Variants in MEF2C observed in about 807,000 individuals in gnomAD.
MEF2C encodes myocyte enhancer factor 2C, also known as myocyte-specific enhancer factor 2C.
A neutral mutation model predicts 50.5 loss-of-function variants in MEF2C; 6 were observed. The ratio of observed to expected loss-of-function variants is 0.12; its 90% CI spans 0.07 to 0.23. MEF2C has a LOEUF of 0.23. Ranked by LOEUF, MEF2C falls within the 10% of genes least tolerant of loss-of-function variation. The probability of loss-of-function intolerance (pLI) is 1.00; values close to 1 mark genes in which losing one functional copy is unlikely to be tolerated. For synonymous variants in MEF2C, 183 were observed against 228.0 expected, an observed-to-expected ratio of 0.80 and a Z score of 1.78; for missense variants, 276 against 605.0, an observed-to-expected ratio of 0.46 and a Z score of 5.70.
rs1833477045 is a variant in MEF2C at position 88,883,141 on chromosome 5, G to A, written c.-329C>T. ...TTCAAAGTCAATCCAATAGCAGCCCGAAGATGTCTGGGTGTACGCGTGTGC... is the reference window on the plus strand; with the variant it reads ...TTCAAAGTCAATCCAATAGCAGCCCAAAGATGTCTGGGTGTACGCGTGTGC... On this transcript the variant is annotated 5_prime_UTR_variant, in exon 1 of 11. Transcript: ENST00000504921. 2 of 151,948 alleles carry A rather than the reference G, an allele frequency of 1.3e-5. No homozygotes were observed. The highest frequency in any genetic ancestry group is 4.8e-5 in the African/African-American group (2 of 41,294). 9.4% of individuals were successfully genotyped at this position (151,948 alleles called of 1,614,324 possible).
chr5:88,799,133 T>C (rs532635595), intron 3 of MEF2C, among the ~76,000 whole-genome samples: 120 of 152,340 alleles, frequency 7.9e-4, no homozygotes, highest in Non-Finnish European at 2.4e-4. Context: ...AGGGACCCAC[T>C]TGAGGAAGCA....
At chr5:88,753,775 T>C (rs1417846056) in intron 4 of MEF2C, among the ~76,000 whole-genome samples, 1 of 152,192 alleles carries the variant, frequency 6.6e-6, no homozygotes, top group Non-Finnish European at 1.5e-5. Context: ...TTATCTACAG[T>C]AAACAGGGGA....
intron 3 of MEF2C, among the ~76,000 whole-genome samples, chr5:88,795,973 C>T (rs181846362): frequency 6.6e-6 from 1 of 152,188 alleles, no homozygotes; most frequent in Non-Finnish European, 1.5e-5. Context: ...TCCAGCCTTG[C>T]ATCCCAGGGA....
intron 10 of MEF2C, among the ~76,000 whole-genome samples, chr5:88,723,756 T>C (rs1581228279): frequency 6.6e-6 from 1 of 152,240 alleles, no homozygotes; most frequent in African/African-American, 2.4e-5. Flanking sequence ...TTATTTATCA[T>C]TGGCATTAGT....
chr5:88,775,252 T>C (rs1303127333), intron 3 of MEF2C, among the ~76,000 whole-genome samples: 2 of 152,298 alleles, frequency 1.3e-5, no homozygotes, highest in East Asian at 1.9e-4. Context: ...TCATTTGTTA[T>C]TGGGGGTTGC....
intron 6 of MEF2C, chr5:88,733,338 G>C (rs1464697185): frequency 1.0e-6 from 1 of 985,250 alleles, no homozygotes; most frequent in East Asian, 1.1e-4. Flanking sequence ...AGAGGCTCTG[G>C]AGGGATGCAG....
At chr5:88,863,660 A>G (rs1455519039) in intron 1 of MEF2C, among the ~76,000 whole-genome samples, 3 of 151,950 alleles carry the variant, frequency 2.0e-5, no homozygotes, top group Non-Finnish European at 4.4e-5. Flanking sequence ...TCCCGCCTCC[A>G]TTTCTGGAAA....
chr5:88,900,274 GATAGTT>G (rs1835507937), intron 1 of MEF2C, among the ~76,000 whole-genome samples: 3 of 151,454 alleles, frequency 2.0e-5, no homozygotes, highest in African/African-American at 7.3e-5. Flanking sequence ...ATTAATATAA[GATAGTT>G]ATATATACAC....
At chr5:88,858,505 G>A (rs1824307366) in intron 1 of MEF2C, among the ~76,000 whole-genome samples, 2 of 152,162 alleles carry the variant, frequency 1.3e-5, no homozygotes, top group Non-Finnish European at 2.9e-5. Flanking sequence ...ATGTCAGGAG[G>A]AGGCAGCCCA....
At chr5:88,733,483 G>A (rs547936671) in intron 6 of MEF2C, 2 of 985,252 alleles carry the variant, frequency 2.0e-6, no homozygotes, top group African/African-American at 1.7e-5. Context: ...GGTATACTCA[G>A]GAATTAGTAA....
intron 1 of MEF2C, among the ~76,000 whole-genome samples, chr5:88,834,719 T>G (rs979054527): frequency 6.6e-6 from 1 of 152,118 alleles, no homozygotes; most frequent in Non-Finnish European, 1.5e-5. Context: ...CAGACATTAT[T>G]TGGAGGATGA....
At position 88,719,279 on chromosome 5, in the gene MEF2C, C is replaced by T. The variant is rs1285165633; in HGVS notation, c.*3325G>A. 1 of 152,008 alleles carries T rather than the reference C, an allele frequency of 6.6e-6. No homozygotes were observed. The highest frequency in any genetic ancestry group is 1.5e-5 in the Non-Finnish European group (1 of 67,984). 9.4% of individuals were successfully genotyped at this position (152,008 alleles called of 1,614,324 possible). On this transcript the variant is annotated 3_prime_UTR_variant, in exon 11 of 11. Coordinates refer to ENST00000504921, the MANE Select transcript of MEF2C (RefSeq NM_002397.5). Reference sequence around the variant, plus strand: ...ACAGGTATTTTTATATTCATCATTACAAAATGCTAAATTCCACCTTTGGGA... The same window carrying T: ...ACAGGTATTTTTATATTCATCATTATAAAATGCTAAATTCCACCTTTGGGA...
At chr5:88,867,701 G>T (rs1581766643) in intron 1 of MEF2C, among the ~76,000 whole-genome samples, 1 of 152,238 alleles carries the variant, frequency 6.6e-6, no homozygotes, top group South Asian at 2.1e-4. Context: ...TAGTGACGCT[G>T]AAGAAAGTAA....
At chr5:88,902,671 T>C (rs996537783) in intron 1 of MEF2C, among the ~76,000 whole-genome samples, 2 of 151,916 alleles carry the variant, frequency 1.3e-5, no homozygotes, top group African/African-American at 4.8e-5. Context: ...TATACAATCA[T>C]GTGTTAAGGA....
Position 88,840,337 on chromosome 5 carries a change from A to C in MEF2C, c.-142-16407T>G, listed in dbSNP as rs1166183923. 2.0e-5 allele frequency among the ~76,000 whole-genome samples: 3 copies of C among 152,180 alleles called. No individual in the cohort carries two copies. The South Asian group carries it at 6.2e-4, about 32-fold the overall frequency. ...CATGTCATACACTTCAATATTGTGTATTGCTTTATGTCTGTTCTTTTAATC... is the reference window on the plus strand; with the variant it reads ...CATGTCATACACTTCAATATTGTGTCTTGCTTTATGTCTGTTCTTTTAATC... On this transcript the variant is annotated intron_variant, in intron 1 of 10. Transcript: ENST00000504921.
At chr5:88,792,302 T>G (rs1233714575) in intron 3 of MEF2C, among the ~76,000 whole-genome samples, 1 of 152,130 alleles carries the variant, frequency 6.6e-6, no homozygotes, top group Non-Finnish European at 1.5e-5. Flanking sequence ...CCTGGACAAC[T>G]TGCAAGTGCT....
At chr5:88,800,296 T>C (rs1379780083) in intron 3 of MEF2C, among the ~76,000 whole-genome samples, 2 of 152,220 alleles carry the variant, frequency 1.3e-5, no homozygotes, top group Non-Finnish European at 2.9e-5. Flanking sequence ...CTGAATGAGT[T>C]CTGTTGAATT....
intron 6 of MEF2C, chr5:88,739,450 T>C (rs1478428885): frequency 2.1e-6 from 2 of 961,048 alleles, no homozygotes; most frequent in Non-Finnish European, 2.5e-6. Context: ...TATATTTTAG[T>C]TTTTAAAGTT....
chr5:88,738,999 T>G (rs1765284400), intron 6 of MEF2C: 8 of 980,372 alleles, frequency 8.2e-6, no homozygotes, highest in Non-Finnish European at 9.7e-6. Context: ...AAGTAGATTT[T>G]GTAATATTTT....
Sources: gnomAD v4.1 joint callset for allele counts (sites outside exome capture counted in the v4.1 genomes callset) on GRCh38, gnomAD v4.1.1 for gene constraint, MANE v1.5 for transcripts, NCBI Gene and HGNC (gene_info 2026-07-23, HGNC 2026-07-21) for gene names.